Variants in FOLH1 observed in about 807,000 individuals in gnomAD.
FOLH1 encodes the protein glutamate carboxypeptidase 2.
A neutral mutation model predicts 93.9 loss-of-function variants in FOLH1; 54 were observed. The observed-to-expected ratio is 0.57, with a 90% confidence interval of 0.46 to 0.72. The LOEUF (loss-of-function observed/expected upper bound fraction) is 0.72. FOLH1 is among the 30% of genes least tolerant of loss of function. FOLH1 has a pLI of 0.00. For synonymous variants in FOLH1, 249 were observed against 303.6 expected (o/e 0.82, Z 1.87); for missense variants, 571 against 892.5 (o/e 0.64, Z 4.59).
At chr11:49,189,910 T>C (rs962359163) in intron 4 of FOLH1, among the ~76,000 whole-genome samples, 4 of 152,200 alleles carry the variant, frequency 2.6e-5, no homozygotes, top group Non-Finnish European at 5.9e-5. Context: ...GAAAGTCTAA[T>C]TGGGAAACTG....
rs1687848017 is a variant in FOLH1 at position 49,186,610 on chromosome 11, G to A, written c.639+34C>T. 5 of 1,591,834 alleles carry A rather than the reference G, an allele frequency of 3.1e-6. No homozygotes were observed. The African/African-American group carries it at 4.1e-5, about 13-fold the overall frequency. On this transcript the variant is annotated intron_variant, in intron 5 of 18. Coordinates refer to ENST00000256999, the MANE Select transcript of FOLH1 (RefSeq NM_004476.3). ...AAACCCACTATAACTTTTTACATTG[G>A]GGGAGAGAAAAAAAGAGATAATTTT...
chr11:49,193,540 T>C (rs1862290734), intron 3 of FOLH1, among the ~76,000 whole-genome samples: 1 of 151,810 alleles, frequency 6.6e-6, no homozygotes, highest in African/African-American at 2.4e-5. Flanking sequence ...AAATTTACTT[T>C]AAAAAAAAGT....
chr11:49,201,445 T>A (rs1157991868), intron 2 of FOLH1, among the ~76,000 whole-genome samples: 3 of 151,442 alleles, frequency 2.0e-5, no homozygotes, highest in Non-Finnish European at 4.4e-5. Context: ...TTTTTTTATT[T>A]GATGAATCAA....
At chr11:49,158,958 C>T (rs576974045) in intron 13 of FOLH1, among the ~76,000 whole-genome samples, 16 of 152,210 alleles carry the variant, frequency 1.1e-4, no homozygotes, top group Admixed American at 3.3e-4. Context: ...TATAGGAATG[C>T]TAGCAATTTT....
chr11:49,173,882 G>A (rs1399736363), intron 9 of FOLH1, among the ~76,000 whole-genome samples: 1 of 152,036 alleles, frequency 6.6e-6, no homozygotes, highest in Non-Finnish European at 1.5e-5. Context: ...AGTTTTTAAG[G>A]TACAGCTCAA....
intron 1 of FOLH1, chr11:49,207,778 T>G (rs2135364581): frequency 2.4e-6 from 1 of 422,226 alleles, no homozygotes; most frequent in African/African-American, 2.1e-5. Flanking sequence ...GTGGTTCTGC[T>G]TTTCTTAGAA....
At chr11:49,179,495 C>T (rs1291526361) in intron 7 of FOLH1, among the ~76,000 whole-genome samples, 3 of 151,988 alleles carry the variant, frequency 2.0e-5, no homozygotes, top group Non-Finnish European at 2.9e-5. Flanking sequence ...ACAACTAACT[C>T]CTAAATAACC....
At chr11:49,149,146 G>A (rs1856160655) in intron 17 of FOLH1, among the ~76,000 whole-genome samples, 1 of 151,924 alleles carries the variant, frequency 6.6e-6, no homozygotes, top group Non-Finnish European at 1.5e-5. Flanking sequence ...AGCATTGGGA[G>A]GTATACCTAA....
intron 3 of FOLH1, among the ~76,000 whole-genome samples, chr11:49,195,604 A>AGAT (rs1292326594): frequency 6.6e-6 from 1 of 152,084 alleles, no homozygotes; most frequent in East Asian, 1.9e-4. Flanking sequence ...AGATGAGAAA[A>AGAT]GATTGCCAAA....
chr11:49,183,404 C>T (rs1469168873), intron 6 of FOLH1, among the ~76,000 whole-genome samples, 162 bp from the exon 7 acceptor site: 3 of 152,106 alleles, frequency 2.0e-5, no homozygotes, highest in Non-Finnish European at 2.9e-5. Context: ...CAACTGAAAT[C>T]CTCATACATT....
chr11:49,170,127 T>A (rs1408139759), intron 11 of FOLH1, among the ~76,000 whole-genome samples: 1 of 152,140 alleles, frequency 6.6e-6, no homozygotes, highest in Non-Finnish European at 1.5e-5. Flanking sequence ...TGACTGGAAA[T>A]TAATGGAATA....
At chr11:49,200,215 TGGG>T in intron 3 of FOLH1, 37 bp downstream of exon 3, 1 of 1,409,206 alleles carries the variant, frequency 7.1e-7, no homozygotes, top group Non-Finnish European at 9.5e-7. Context: ...AAAGAATAAA[TGGG>T]GGGAATGTTT....
chr11:49,194,962 G>T (rs35777887), intron 3 of FOLH1, among the ~76,000 whole-genome samples: 10,710 of 151,982 alleles, frequency 0.07, 428 homozygotes, highest in Middle Eastern at 0.11. Flanking sequence ...ATAGTGAGGT[G>T]AGATAATTTA....
intron 14 of FOLH1, 119 bp from the exon 15 acceptor site, chr11:49,156,926 T>A (rs1857100980): frequency 6.7e-7 from 1 of 1,500,384 alleles, no homozygotes; most frequent in Admixed American, 2.1e-5. Context: ...AACATACAGC[T>A]TTAGACATGC....
Position 49,153,904 on chromosome 11 carries a change from T to G in FOLH1, c.1912A>C (p.Asn638His), listed in dbSNP as rs754177008. 1.2e-5 allele frequency: 20 copies of G among 1,602,172 alleles called. No homozygotes were observed. The South Asian group carries it at 2.1e-4, about 17-fold the overall frequency. Residue 638 changes from asparagine to histidine, a missense_variant, in exon 17 of 19, where the codon AAT (asparagine) becomes CAT (histidine). Transcript: ENST00000256999. ...AACTTGGAAGCAATTTCTGTAAAAT[T>G]CTTTACTGCAGAAAAAAGTGAATCT... ...SFDSLFSAVK[N>H]FTEIASKFSE...
At chr11:49,179,905 C>A (rs1297045652) in intron 7 of FOLH1, among the ~76,000 whole-genome samples, 1 of 152,100 alleles carries the variant, frequency 6.6e-6, no homozygotes, top group African/African-American at 2.4e-5. Flanking sequence ...CTGACTTTAC[C>A]TAATTCCTAC....
intron 4 of FOLH1, among the ~76,000 whole-genome samples, chr11:49,187,512 G>T (rs1279101791): frequency 1.1e-4 from 17 of 151,978 alleles, no homozygotes. Flanking sequence ...TGATCCAAAT[G>T]ATTTAAATAC....
intron 11 of FOLH1, 44 bp downstream of exon 11, chr11:49,171,151 C>G (rs376155842): frequency 1.3e-6 from 2 of 1,547,338 alleles, no homozygotes; most frequent in African/African-American, 2.8e-5. Flanking sequence ...GTCCTGGCTA[C>G]TTTATTTTAT....
chr11:49,201,726 G>A (rs555194540), intron 2 of FOLH1, among the ~76,000 whole-genome samples: 4 of 152,232 alleles, frequency 2.6e-5, no homozygotes, highest in South Asian at 2.1e-4. Context: ...CCAACATATC[G>A]CTATTTTCTT....
Sources: gnomAD v4.1 joint callset for allele counts (sites outside exome capture counted in the v4.1 genomes callset) on GRCh38, gnomAD v4.1.1 for gene constraint, MANE v1.5 for transcripts, NCBI Gene and HGNC (gene_info 2026-07-23, HGNC 2026-07-21) for gene names.